RAD51AP1: variants seen among roughly 807,000 people sequenced by gnomAD.
RAD51AP1 encodes the protein RAD51 associated protein 1, also known as RAD51-associated protein 1.
Under a neutral mutation model 34.3 loss-of-function variants are expected in RAD51AP1, and 14 were observed. The observed-to-expected ratio is 0.41, with a 90% confidence interval of 0.27 to 0.64. The LOEUF (loss-of-function observed/expected upper bound fraction) is 0.64. RAD51AP1 is among the 30% of genes least tolerant of loss of function. RAD51AP1 has a pLI of 0.33. For synonymous variants in RAD51AP1, 114 were observed against 129.8 expected (o/e 0.88, Z 0.83); for missense variants, 348 against 386.9 (o/e 0.90, Z 0.84).
Position 4,546,352 on chromosome 12 carries a change from G to A in RAD51AP1, c.253G>A (p.Ala85Thr), listed in dbSNP as rs1944506046. 6.2e-7 allele frequency: 1 copy of A among 1,612,764 alleles called. No homozygotes were observed. Among genetic ancestry groups the A allele is most frequent in the Non-Finnish European group, 8.5e-7 (1 of 1,179,552 alleles). ...DKLYQRDLEV[A>T]LALSVKELPT... The stretch of plus-strand genomic sequence containing the variant: ...GCTCTACCAGAGAGACTTAGAAGTT[G>A]CACTAGCTTTATCAGTGAAGGAACT... The change falls in exon 4 of 9, where the codon GCA becomes ACA. Residue 85 changes from alanine to threonine, a missense_variant. Ala to Thr is a moderately conservative substitution (Grantham distance 58). Transcript: ENST00000352618.
At chr12:4,554,496 G>A (rs946300801) in intron 7 of RAD51AP1, among the ~76,000 whole-genome samples, 1 of 152,098 alleles carries the variant, frequency 6.6e-6, no homozygotes, top group South Asian at 2.1e-4. Flanking sequence ...GCTATAATAG[G>A]AAAAAGTTAT....
chr12:4,552,972 T>G lies in RAD51AP1; in HGVS notation c.557-11T>G, dbSNP rs1944556573. ...TAGAGCAAAGATGAACTATATAATC[T>G]TCTGTTTTAGGTGAAGATTCTGAGG... On this transcript the variant is annotated splice_polypyrimidine_tract_variant and intron_variant, in intron 6 of 8. Coordinates refer to ENST00000352618, the MANE Select transcript of RAD51AP1 (RefSeq NM_006479.5). 1.9e-6 allele frequency: 3 copies of G among 1,559,294 alleles called. No individual in the cohort carries two copies. The highest frequency in any genetic ancestry group is 2.6e-6 in the Non-Finnish European group (3 of 1,158,766).
chr12:4,545,096 T>C (rs1172643933), intron 3 of RAD51AP1: 4 of 347,550 alleles, frequency 1.2e-5, no homozygotes, highest in South Asian at 2.4e-5. Flanking sequence ...CAAAAACCCA[T>C]ACATGAATGT....
At chr12:4,545,548 CTT>C (rs1385764922) in intron 3 of RAD51AP1, among the ~76,000 whole-genome samples, 1 of 152,110 alleles carries the variant, frequency 6.6e-6, no homozygotes, top group Admixed American at 6.5e-5. Flanking sequence ...AAAAGGTAAA[CTT>C]TATGATATGT....
chr12:4,545,789 G>A (rs373217149), intron 3 of RAD51AP1: 164 of 1,613,122 alleles, frequency 1.0e-4, no homozygotes, highest in Middle Eastern at 1.6e-4. Context: ...CAGACTCCCT[G>A]AAGGTACTTT....
rs1218000214 is a variant in RAD51AP1 at position 4,558,844 on chromosome 12, T to C, written c.872-13T>C. The stretch of plus-strand genomic sequence containing the variant: ...CTGACATCATCAGCATCACATCATA[T>C]GTTTCCTTTCAGCGGCATCTGGAGG... On this transcript the variant is annotated splice_polypyrimidine_tract_variant and intron_variant, in intron 8 of 8. Transcript: ENST00000352618. 2 of 1,608,470 alleles carry C rather than the reference T, an allele frequency of 1.2e-6. No homozygotes were observed. The highest frequency in any genetic ancestry group is 1.3e-5 in the African/African-American group (1 of 74,886).
chr12:4,542,487 G>C (rs939517043), intron 2 of RAD51AP1, among the ~76,000 whole-genome samples: 1 of 151,786 alleles, frequency 6.6e-6, no homozygotes, highest in Admixed American at 6.6e-5. Flanking sequence ...GTAAGTCTTC[G>C]GTTTGAAGGA....
Position 4,543,853 on chromosome 12 carries a change from A to G in RAD51AP1, c.158A>G (p.Asn53Ser), listed in dbSNP as rs376369409. 26 of 1,612,840 alleles carry G rather than the reference A, an allele frequency of 1.6e-5. No individual in the cohort carries two copies. The African/African-American group carries it at 2.9e-4, about 18-fold the overall frequency. ...CAAGATAAACCAAAACCTAACTTGA[A>G]CAATCTCCGGAAAGAAGAAATCCCA... ...LKQDKPKPNLNNLRKEEIPVQ... is the reference protein window; with the variant it reads ...LKQDKPKPNLSNLRKEEIPVQ... Residue 53 changes from asparagine (N) to serine (S), a missense_variant, in exon 3 of 9, where the codon AAC becomes AGC. Physicochemically the swap from Asn to Ser is conservative, Grantham distance 46. Coordinates refer to ENST00000352618, the MANE Select transcript of RAD51AP1 (RefSeq NM_006479.5).
At position 4,559,219 on chromosome 12, in the gene RAD51AP1, A is replaced by G. The variant is rs1565528705; in HGVS notation, c.*226A>G. 2 of 449,064 alleles carry G rather than the reference A, an allele frequency of 4.5e-6. No homozygotes were observed. The highest frequency in any genetic ancestry group is 7.5e-5 in the South Asian group (2 of 26,590). 27.8% of individuals were successfully genotyped at this position (449,064 alleles called of 1,614,324 possible). On this transcript the variant is annotated 3_prime_UTR_variant, in exon 9 of 9. Coordinates refer to ENST00000352618, the MANE Select transcript of RAD51AP1 (RefSeq NM_006479.5). ...TTATCTTCTCATACCTTTCCTTGTG[A>G]AGAGCGTATTCTGTTTTTCTATCAG...
intron 8 of RAD51AP1, 71 bp from the exon 9 acceptor site, chr12:4,558,786 T>C: frequency 6.4e-7 from 1 of 1,562,768 alleles, no homozygotes; most frequent in Non-Finnish European, 8.7e-7. Flanking sequence ...TTTTTGCTGC[T>C]TATTTTATAA....
chr12:4,543,078 T>A (rs1944480256), intron 2 of RAD51AP1, among the ~76,000 whole-genome samples: 1 of 152,184 alleles, frequency 6.6e-6, no homozygotes, highest in Non-Finnish European at 1.5e-5. Flanking sequence ...CTCTTTTTTT[T>A]GAGACGGAGT....
chr12:4,551,491 T>C (rs1461461837), intron 6 of RAD51AP1, among the ~76,000 whole-genome samples: 1 of 80,662 alleles, frequency 1.2e-5, no homozygotes, highest in Non-Finnish European at 2.5e-5. Flanking sequence ...TGAGGCTCCA[T>C]CTCAAAAAAA....
chr12:4,548,955 A>G (rs1944526710), intron 6 of RAD51AP1, 119 bp downstream of exon 6: 1 of 1,047,518 alleles, frequency 9.5e-7, no homozygotes, highest in Non-Finnish European at 1.4e-6. Flanking sequence ...CTTCAGGGAC[A>G]CACAGAACAG....
At chr12:4,550,354 G>A (rs933712208) in intron 6 of RAD51AP1, among the ~76,000 whole-genome samples, 5 of 152,178 alleles carry the variant, frequency 3.3e-5, no homozygotes, top group African/African-American at 1.2e-4. Context: ...CAGAACTATT[G>A]GATACACAGA....
intron 2 of RAD51AP1, among the ~76,000 whole-genome samples, chr12:4,543,123 C>T (rs367813845): frequency 2.0e-5 from 3 of 152,084 alleles, no homozygotes; most frequent in Admixed American, 2.0e-4. Context: ...TGCAACAGCG[C>T]GATCTTGGCT....
intron 8 of RAD51AP1, among the ~76,000 whole-genome samples, chr12:4,557,626 A>G (rs1230212104): frequency 6.6e-6 from 1 of 152,218 alleles, no homozygotes; most frequent in Non-Finnish European, 1.5e-5. Flanking sequence ...ATGGAGTGAT[A>G]TAACTATAGA....
chr12:4,556,357 T>A lies in RAD51AP1; in HGVS notation c.726T>A (p.Thr242=), dbSNP rs1212980368. ...TACGTATATTTTTCAAATAAGTGAC[T>A]TCGGTGGACTCTGCTCCAGCTGCCG... ...KSKSKCNALV[T]SVDSAPAAVK... The change falls in exon 8 of 9, where the codon ACT becomes ACA. Residue 242 remains threonine, a synonymous_variant. Coordinates refer to ENST00000352618, the MANE Select transcript of RAD51AP1 (RefSeq NM_006479.5). The A allele has an allele frequency of 1.2e-6, 2 of 1,609,722 alleles. No individual in the cohort carries two copies. Among genetic ancestry groups the A allele is most frequent in the African/African-American group, 1.3e-5 (1 of 74,596 alleles).
chr12:4,546,901 T>C (rs1944510293), intron 4 of RAD51AP1, among the ~76,000 whole-genome samples: 1 of 152,230 alleles, frequency 6.6e-6, no homozygotes, highest in Non-Finnish European at 1.5e-5. Context: ...TCTGGCAATA[T>C]ATTAATATTC....
chr12:4,551,901 G>A (rs1828539794), intron 6 of RAD51AP1, among the ~76,000 whole-genome samples: 1 of 152,090 alleles, frequency 6.6e-6, no homozygotes, highest in Non-Finnish European at 1.5e-5. Context: ...CTGAGTGGTG[G>A]TTTATTACTG....
Sources: gnomAD v4.1 joint callset for allele counts (sites outside exome capture counted in the v4.1 genomes callset) on GRCh38, gnomAD v4.1.1 for gene constraint, MANE v1.5 for transcripts, NCBI Gene and HGNC (gene_info 2026-07-23, HGNC 2026-07-21) for gene names.